The following BBS9 variants were observed in gnomAD, a reference collection of about 807,000 sequenced individuals.
The protein encoded by BBS9 is Bardet-Biedl syndrome 9, also known as protein PTHB1.
In BBS9, 89 loss-of-function variants were observed where a neutral mutation model predicts 117.7. The observed-to-expected ratio is 0.76, with a 90% CI of 0.64 to 0.90. The LOEUF (loss-of-function observed/expected upper bound fraction) is 0.90, where lower values mean the gene tolerates loss of function less well. BBS9 is among the 40% of genes least tolerant of loss of function. The pLI, the probability that BBS9 is intolerant of heterozygous loss-of-function variation, is 0.00. For missense variants in BBS9, 982 were observed against 1,042.2 expected (o/e 0.94, Z 0.80); for synonymous variants, 379 against 370.9 (o/e 1.02, Z -0.25).
intron 5 of BBS9, among the ~76,000 whole-genome samples, chr7:33,234,548 A>G (rs1793114068): frequency 6.6e-6 from 1 of 152,058 alleles, no homozygotes; most frequent in African/African-American, 2.4e-5. Flanking sequence ...ATTTTTAAAT[A>G]TATTCACATT....
chr7:33,548,669 A>G (rs554313714), intron 21 of BBS9, among the ~76,000 whole-genome samples: 2 of 151,832 alleles, frequency 1.3e-5, no homozygotes, highest in Non-Finnish European at 2.9e-5. Context: ...GTGAACTCCC[A>G]TTCACAATTG....
rs774401569 is a variant in BBS9 at position 33,344,590 on chromosome 7, G to A, written c.1285G>A (p.Asp429Asn). The part of the protein sequence containing the change: ...PNFDSVSQAT[D>N]VEVGTDLVPS... Reference sequence around the variant, plus strand: ...AATTCTGTGTTTACAGCAAGCGACCGATGTTGAGGTGGGAACTGACCTTGT... The same window carrying A: ...AATTCTGTGTTTACAGCAAGCGACCAATGTTGAGGTGGGAACTGACCTTGT... Residue 429 changes from aspartate to asparagine, a missense_variant, in exon 12 of 23, where the codon GAT becomes AAT. Coordinates refer to ENST00000242067, the MANE Select transcript of BBS9 (RefSeq NM_198428.3). 20 of 1,614,022 alleles carry A rather than the reference G, an allele frequency of 1.2e-5. No homozygotes were observed. Among genetic ancestry groups the A allele is most frequent in the Admixed American group, 8.3e-5 (5 of 60,024 alleles).
At chr7:33,407,167 G>T (rs557476544) in intron 19 of BBS9, among the ~76,000 whole-genome samples, 3 of 151,978 alleles carry the variant, frequency 2.0e-5, no homozygotes, top group East Asian at 1.9e-4. Flanking sequence ...TTCCCTTCTC[G>T]CTTCATTTCG....
chr7:33,492,582 T>C (rs1031680977), intron 19 of BBS9, among the ~76,000 whole-genome samples: 3 of 152,112 alleles, frequency 2.0e-5, no homozygotes, highest in Admixed American at 2.0e-4. Context: ...GTAACACAGA[T>C]GTAGATGGGA....
intron 19 of BBS9, among the ~76,000 whole-genome samples, chr7:33,499,387 A>G (rs984445092): frequency 1.3e-5 from 2 of 152,182 alleles, no homozygotes; most frequent in Non-Finnish European, 2.9e-5. Flanking sequence ...TTCCCAGGAC[A>G]TTGCCTGTTC....
chr7:33,410,572 C>G (rs574589666), intron 19 of BBS9, among the ~76,000 whole-genome samples: 4 of 152,282 alleles, frequency 2.6e-5, no homozygotes, highest in Non-Finnish European at 4.4e-5. Context: ...CCCTCATTGT[C>G]TCACCAACCC....
chr7:33,348,761 G>T (rs1818069559), intron 12 of BBS9, among the ~76,000 whole-genome samples: 1 of 152,116 alleles, frequency 6.6e-6, no homozygotes, highest in African/African-American at 2.4e-5. Context: ...ATTTTATTGG[G>T]TACGTAGTAG....
intron 5 of BBS9, among the ~76,000 whole-genome samples, chr7:33,250,412 A>C (rs74473862): frequency 0.015 from 2,220 of 152,260 alleles, 33 homozygotes; most frequent in Non-Finnish European, 0.021. Context: ...CTCTTTGAGT[A>C]TGGTTCATGG....
chr7:33,222,699 G>A (rs1023578244), intron 5 of BBS9, among the ~76,000 whole-genome samples: 2 of 151,898 alleles, frequency 1.3e-5, no homozygotes, highest in Admixed American at 6.6e-5. Context: ...TGTAACTCCA[G>A]CACTTTGGGA....
chr7:33,592,591 G>A (rs917566298), intron 21 of BBS9, among the ~76,000 whole-genome samples: 5 of 152,072 alleles, frequency 3.3e-5, no homozygotes, highest in Admixed American at 6.6e-5. Flanking sequence ...GGAAGGATAT[G>A]ATAAAACAGG....
At chr7:33,206,100 G>C (rs1786864034) in intron 5 of BBS9, among the ~76,000 whole-genome samples, 1 of 152,156 alleles carries the variant, frequency 6.6e-6, no homozygotes, top group African/African-American at 2.4e-5. Context: ...CTGGCAGGGA[G>C]GTCATCTGCG....
chr7:33,250,558 C>A (rs1034530755), intron 5 of BBS9, among the ~76,000 whole-genome samples: 1 of 152,094 alleles, frequency 6.6e-6, no homozygotes, highest in Admixed American at 6.5e-5. Flanking sequence ...GTAAGGGGAG[C>A]CTTTGGTATG....
At chr7:33,503,312 G>A (rs1845702222) in intron 19 of BBS9, among the ~76,000 whole-genome samples, 1 of 152,162 alleles carries the variant, frequency 6.6e-6, no homozygotes, top group Admixed American at 6.5e-5. Flanking sequence ...TATTTGCTGA[G>A]CCGCAGAGTT....
chr7:33,465,457 AGTGAAGGATT>A (rs1394520570), intron 19 of BBS9, among the ~76,000 whole-genome samples: 1 of 152,146 alleles, frequency 6.6e-6, no homozygotes, highest in Non-Finnish European at 1.5e-5. Flanking sequence ...TAGTTAATAC[AGTGAAGGATT>A]GTTCCTTCTT....
chr7:33,278,907 A>T (rs958499960), intron 9 of BBS9, among the ~76,000 whole-genome samples: 1 of 152,196 alleles, frequency 6.6e-6, no homozygotes, highest in African/African-American at 2.4e-5. Context: ...AATTCATGAC[A>T]TTGCAGTCGA....
intron 5 of BBS9, among the ~76,000 whole-genome samples, chr7:33,216,001 A>T (rs1788989719): frequency 6.8e-6 from 1 of 148,116 alleles, no homozygotes. Context: ...GATTCCATTC[A>T]GCAGGGGAAG....
chr7:33,423,272 A>G (rs1833137566), intron 19 of BBS9, among the ~76,000 whole-genome samples: 2 of 152,202 alleles, frequency 1.3e-5, no homozygotes, highest in Non-Finnish European at 2.9e-5. Context: ...TGCTGGGGTC[A>G]GGAGCAGCCT....
intron 9 of BBS9, among the ~76,000 whole-genome samples, chr7:33,315,127 G>T (rs1810202015): frequency 6.6e-6 from 1 of 152,158 alleles, no homozygotes; most frequent in African/African-American, 2.4e-5. Flanking sequence ...AACGAAGTTG[G>T]TGACTTAAAA....
intron 9 of BBS9, among the ~76,000 whole-genome samples, chr7:33,306,517 A>T (rs1278698828): frequency 1.3e-5 from 2 of 152,142 alleles, no homozygotes; most frequent in East Asian, 1.9e-4. Flanking sequence ...TGGAATAAAA[A>T]TGATGAATGG....
Sources: allele counts gnomAD v4.1 joint callset (sites outside exome capture counted in the v4.1 genomes callset), GRCh38; gene constraint gnomAD v4.1.1; transcripts MANE v1.5; gene names NCBI Gene and HGNC (gene_info 2026-07-23, HGNC 2026-07-21).